ATG13: variants seen among roughly 807,000 people sequenced by gnomAD.
ATG13 encodes the protein autophagy related 13.
In ATG13, 23 loss-of-function variants were observed where a neutral mutation model predicts 65.5. That is an observed-to-expected ratio of 0.35 (90% CI 0.25 to 0.50). The LOEUF (loss-of-function observed/expected upper bound fraction) is 0.50, where lower values mean the gene tolerates loss of function less well. Among genes scored for constraint, ATG13 ranks in the 20% least tolerant of loss-of-function variants. The pLI is 0.98. For missense variants in ATG13, 566 were observed against 677.0 expected (o/e 0.84, Z 1.82); for synonymous variants, 252 against 245.2 (o/e 1.03, Z -0.26).
intron 1 of ATG13, among the ~76,000 whole-genome samples, chr11:46,623,602 AT>A (rs2048471227): frequency 6.6e-6 from 1 of 151,852 alleles, no homozygotes; most frequent in African/African-American, 2.4e-5. Flanking sequence ...TAATTTTTGT[AT>A]TTTTAGTAGA....
Position 46,667,803 on chromosome 11 carries a change from T to C in ATG13, c.1167T>C (p.Ser389=), listed in dbSNP as rs61736849. The part of the protein sequence containing the change: ...SEDTETVSNS[S]EGRASPHDVL... ...ATACTGAAACCGTATCAAACAGCAG[T>C]GAGGGACGGGCCTCCCCTCACGATG... is the stretch of plus-strand genomic sequence containing the variant. The change falls in exon 15 of 19, where the codon AGT becomes AGC. Residue 389 remains serine, a synonymous_variant. Coordinates refer to ENST00000683050, the MANE Select transcript of ATG13 (RefSeq NM_001346311.2). 3.0e-3 allele frequency: 4,796 copies of C among 1,611,072 alleles called. 130 individuals carry two copies. In the African/African-American group the frequency reaches 0.057, roughly 19 times the overall value.
At chr11:46,641,618 G>A (rs2056047718) in intron 2 of ATG13, among the ~76,000 whole-genome samples, 1 of 152,062 alleles carries the variant, frequency 6.6e-6, no homozygotes, top group South Asian at 2.1e-4. Context: ...AGACTGAGAG[G>A]GGTGTAATGG....
chr11:46,661,745 C>T (rs956231024), intron 11 of ATG13, among the ~76,000 whole-genome samples: 17 of 151,998 alleles, frequency 1.1e-4, no homozygotes, highest in African/African-American at 4.1e-4. Flanking sequence ...CTGGGAGGAT[C>T]GCCTGAGCCT....
chr11:46,626,464 G>T (rs1213386574), intron 1 of ATG13, among the ~76,000 whole-genome samples: 2 of 151,964 alleles, frequency 1.3e-5, no homozygotes, highest in Non-Finnish European at 2.9e-5. Flanking sequence ...TGGCCAGGCT[G>T]ATCTCGAACT....
intron 6 of ATG13, among the ~76,000 whole-genome samples, 190 bp downstream of exon 6, chr11:46,649,373 G>T (rs146814112): frequency 6.6e-6 from 1 of 152,190 alleles, no homozygotes; most frequent in African/African-American, 2.4e-5. Context: ...CCTTCAGAGG[G>T]AACATCAGTC....
At position 46,667,838 on chromosome 11, in the gene ATG13, C is replaced by T. The variant is rs760639516; in HGVS notation, c.1202C>T (p.Thr401Ile). The T allele has an allele frequency of 6.2e-7, 1 of 1,612,940 alleles. No homozygotes were observed. The highest frequency in any genetic ancestry group is 1.1e-5 in the South Asian group (1 of 91,054). ...GRASPHDVLETIFVRKVGAFV... is the reference protein window; with the variant it reads ...GRASPHDVLEIIFVRKVGAFV... Reference sequence around the variant, plus strand: ...GCCTCCCCTCACGATGTCTTGGAGACCATCTTTGTCCGAAAAGTGGGGGCT... The same window carrying T: ...GCCTCCCCTCACGATGTCTTGGAGATCATCTTTGTCCGAAAAGTGGGGGCT... Residue 401 changes from threonine (T) to isoleucine (I), a missense_variant, in exon 15 of 19, where the codon ACC (threonine) becomes ATC (isoleucine). Transcript: ENST00000683050.
rs2062712852 is a variant in ATG13 at position 46,667,827 on chromosome 11, T to C, written c.1191T>C (p.Asp397=). 1 of 1,612,562 alleles carries C rather than the reference T, an allele frequency of 6.2e-7. No individual in the cohort carries two copies. Among genetic ancestry groups the C allele is most frequent in the Non-Finnish European group, 8.5e-7 (1 of 1,178,634 alleles). The change falls in exon 15 of 19, where the codon GAT becomes GAC. Residue 397 remains aspartate, a synonymous_variant. Coordinates refer to ENST00000683050, the MANE Select transcript of ATG13 (RefSeq NM_001346311.2). Reference sequence around the variant, plus strand: ...GTGAGGGACGGGCCTCCCCTCACGATGTCTTGGAGACCATCTTTGTCCGAA... The same window carrying C: ...GTGAGGGACGGGCCTCCCCTCACGACGTCTTGGAGACCATCTTTGTCCGAA... ...NSSEGRASPH[D]VLETIFVRKV... is the part of the protein sequence containing the mutation.
At chr11:46,659,633 C>T in intron 11 of ATG13, 148 bp downstream of exon 11, 2 of 596,116 alleles carry the variant, frequency 3.4e-6, no homozygotes, top group Admixed American at 6.3e-5. Flanking sequence ...AGAGAGCCTT[C>T]TTGTCCAGAA....
At chr11:46,635,110 C>T (rs757289561) in intron 2 of ATG13, among the ~76,000 whole-genome samples, 6 of 150,948 alleles carry the variant, frequency 4.0e-5, no homozygotes, top group Admixed American at 1.3e-4. Context: ...CAAGTTCAAG[C>T]GATTCTCGTG....
chr11:46,622,368 C>G (rs1007374071), intron 1 of ATG13, among the ~76,000 whole-genome samples: 1 of 151,714 alleles, frequency 6.6e-6, no homozygotes, highest in Admixed American at 6.6e-5. Context: ...CCGCCTGCCT[C>G]GGTCTCCCAA....
At chr11:46,627,678 C>T (rs780658480) in intron 1 of ATG13, among the ~76,000 whole-genome samples, 4 of 151,970 alleles carry the variant, frequency 2.6e-5, no homozygotes, top group Non-Finnish European at 4.4e-5. Flanking sequence ...GGGGTTTCTC[C>T]ATGTTCATCA....
Position 46,668,776 on chromosome 11 carries a change from T to C in ATG13, c.1330-18T>C. The C allele has an allele frequency of 3.1e-6, 5 of 1,593,838 alleles. No individual in the cohort carries two copies. The highest frequency in any genetic ancestry group is 4.3e-6 in the Non-Finnish European group (5 of 1,162,920). On this transcript the variant is annotated intron_variant, in intron 16 of 18. Coordinates refer to ENST00000683050, the MANE Select transcript of ATG13 (RefSeq NM_001346311.2). ...TGGGTCACAGCATCAGCCCTAATCC[T>C]GCCTTGCTATGAAACAGGTGAATCC...
chr11:46,639,105 G>A (rs1417261455), intron 2 of ATG13, among the ~76,000 whole-genome samples: 2 of 151,524 alleles, frequency 1.3e-5, no homozygotes, highest in South Asian at 2.1e-4. Flanking sequence ...CTCCTGCCTC[G>A]GCCTCCCAAG....
At position 46,639,757 on chromosome 11, in the gene ATG13, A is replaced by C. The variant is rs985352088; in HGVS notation, c.-13-4522A>C. On this transcript the variant is annotated intron_variant, in intron 2 of 18. Transcript: ENST00000683050. ...AAAGTCATGGCACAGAGAGATGAAG[A>C]AGCTATATTCTTACACTGGTTTGGT... Among the ~76,000 whole-genome samples the C allele has an allele frequency of 4.0e-5, 6 of 151,062 alleles. No homozygotes were observed. The East Asian group carries it at 7.7e-4, about 19-fold the overall frequency.
At chr11:46,620,374 C>T (rs1054478897) in intron 1 of ATG13, among the ~76,000 whole-genome samples, 5 of 151,644 alleles carry the variant, frequency 3.3e-5, no homozygotes, top group East Asian at 2.0e-4. Context: ...GGATTACAGG[C>T]GTGAGCCACC....
intron 13 of ATG13, 29 bp downstream of exon 13, chr11:46,664,988 G>T: frequency 6.3e-7 from 1 of 1,595,108 alleles, no homozygotes; most frequent in Non-Finnish European, 8.6e-7. Context: ...AGGACTATGG[G>T]TTTCCAGTGC....
intron 2 of ATG13, among the ~76,000 whole-genome samples, chr11:46,632,828 C>T (rs1164385986): frequency 6.6e-6 from 1 of 151,216 alleles, no homozygotes; most frequent in Non-Finnish European, 1.5e-5. Flanking sequence ...AGATAACATC[C>T]TTATTACTTG....
At chr11:46,655,421 AAAAC>A (rs1301182658) in intron 7 of ATG13, among the ~76,000 whole-genome samples, 7 of 151,938 alleles carry the variant, frequency 4.6e-5, no homozygotes, top group Admixed American at 6.6e-5. Flanking sequence ...AACAAACAAA[AAAAC>A]AGCCGGGCGT....
intron 8 of ATG13, 44 bp downstream of exon 8, chr11:46,656,317 C>T (rs775578066): frequency 1.9e-6 from 3 of 1,551,970 alleles, no homozygotes; most frequent in South Asian, 1.1e-5. Context: ...TCAGAGCTCT[C>T]CTAACTTCAG....
Sources: gnomAD v4.1 joint callset for allele counts (sites outside exome capture counted in the v4.1 genomes callset) on GRCh38, gnomAD v4.1.1 for gene constraint, MANE v1.5 for transcripts, NCBI Gene and HGNC (gene_info 2026-07-23, HGNC 2026-07-21) for gene names.